NUP155: variants seen among roughly 807,000 people sequenced by gnomAD.
NUP155 encodes the protein nuclear pore complex protein Nup155.
Under a neutral mutation model 180.4 loss-of-function variants are expected in NUP155, and 71 were observed. The observed-to-expected ratio is 0.39, with a 90% CI of 0.33 to 0.48. The LOEUF is 0.48. Among genes scored for constraint, NUP155 ranks in the 20% least tolerant of loss-of-function variants. The pLI, the probability that NUP155 is intolerant of heterozygous loss-of-function variation, is 0.91. For missense variants in NUP155, 1,553 were observed against 1,648.9 expected (o/e 0.94, Z 1.01); for synonymous variants, 582 against 559.5 (o/e 1.04, Z -0.57).
At chr5:37,339,910 G>A (rs1189224382) in intron 11 of NUP155, among the ~76,000 whole-genome samples, 1 of 152,010 alleles carries the variant, frequency 6.6e-6, no homozygotes, top group Admixed American at 6.6e-5. Context: ...CTACAGACAT[G>A]CCCCCTACAC....
intron 4 of NUP155, among the ~76,000 whole-genome samples, chr5:37,355,587 T>C (rs1746771151): frequency 6.7e-6 from 1 of 149,610 alleles, no homozygotes; most frequent in Admixed American, 6.7e-5. Flanking sequence ...GTTTGTTTGT[T>C]TGTTTTTCAG....
At chr5:37,314,482 C>T (rs542758137) in intron 21 of NUP155, among the ~76,000 whole-genome samples, 154 bp from the exon 22 acceptor site, 1 of 152,202 alleles carries the variant, frequency 6.6e-6, no homozygotes, top group South Asian at 2.1e-4. Flanking sequence ...ATGTTATTAT[C>T]TTCTCCGTGT....
In NUP155 at chr5:37,302,843, G is replaced by C; in HGVS notation, c.3383C>G (p.Ser1128Cys). The C allele has an allele frequency of 6.2e-7, 1 of 1,613,804 alleles. No individual in the cohort carries two copies. The change falls in exon 29 of 35, where the codon TCC becomes TGC. Residue 1128 changes from serine (S) to cysteine (C), a missense_variant. By Grantham distance (112) the Ser-to-Cys change is moderately radical. Coordinates refer to ENST00000231498, the MANE Select transcript of NUP155 (RefSeq NM_153485.3). Reference protein sequence around the residue: ...IARAILSAKSSTAISSIAADG... With the variant: ...IARAILSAKSCTAISSIAADG... ...GGCAGCTATTGATGAAATGGCAGTGGAACTTTTGGCACTAAGAATGGCTCG... is the reference window on the plus strand; with the variant it reads ...GGCAGCTATTGATGAAATGGCAGTGCAACTTTTGGCACTAAGAATGGCTCG...
intron 9 of NUP155, among the ~76,000 whole-genome samples, chr5:37,347,696 CA>C (rs546371065): frequency 0.076 from 4,152 of 54,880 alleles, 71 homozygotes; most frequent in Middle Eastern, 0.23. Flanking sequence ...AACTCCATCT[CA>C]AAAAAAAAAA....
Position 37,293,956 on chromosome 5 carries a change from G to A in NUP155, c.3930+373C>T, listed in dbSNP as rs1379276638. Among the ~76,000 whole-genome samples the A allele has an allele frequency of 6.1e-4, 70 of 114,424 alleles. 9 individuals carry two copies. The highest frequency in any genetic ancestry group is 1.0e-3 in the Non-Finnish European group (63 of 62,600). 75.1% of individuals were successfully genotyped at this position (114,424 alleles called of 152,430 possible). Reference sequence around the variant, plus strand: ...GGAGCTTGCAGTGAGCCGAGATTGCGCCACTGCAGTCCGCAGTCCGGCCTG... The same window carrying A: ...GGAGCTTGCAGTGAGCCGAGATTGCACCACTGCAGTCCGCAGTCCGGCCTG... On this transcript the variant is annotated intron_variant, in intron 33 of 34. Transcript: ENST00000231498.
chr5:37,353,642 G>A (rs139122630), intron 4 of NUP155, among the ~76,000 whole-genome samples: 345 of 152,186 alleles, frequency 2.3e-3, no homozygotes, highest in African/African-American at 8.1e-3. Context: ...CTGTAACACA[G>A]ATGAACCTTG....
At chr5:37,293,663 T>C (rs936564235) in intron 33 of NUP155, among the ~76,000 whole-genome samples, 2 of 152,214 alleles carry the variant, frequency 1.3e-5, no homozygotes, top group African/African-American at 4.8e-5. Context: ...TTAGATGAGG[T>C]TATAGTAAAT....
At position 37,338,626 on chromosome 5, in the gene NUP155, C is replaced by T. The variant is rs549959759; in HGVS notation, c.1247-708G>A. Reference sequence around the variant, plus strand: ...TTCACCGTGTTAGCCAGGATGGTCTCGATCTCCTGACCTCGTGATCCGCCC... The same window carrying T: ...TTCACCGTGTTAGCCAGGATGGTCTTGATCTCCTGACCTCGTGATCCGCCC... On this transcript the variant is annotated intron_variant, in intron 11 of 34. Coordinates refer to ENST00000231498, the MANE Select transcript of NUP155 (RefSeq NM_153485.3). 2.0e-3 allele frequency among the ~76,000 whole-genome samples: 297 copies of T among 152,094 alleles called. 1 individual carries two copies. The highest frequency in any genetic ancestry group is 6.5e-3 in the African/African-American group (268 of 41,520).
chr5:37,334,263 C>T lies in NUP155; in HGVS notation c.1348-630G>A, dbSNP rs191525962. 5.9e-5 allele frequency among the ~76,000 whole-genome samples: 9 copies of T among 152,136 alleles called. No homozygotes were observed. In the East Asian group the frequency reaches 1.5e-3, roughly 26 times the overall value. ...GACTACAGGAGAATGCTACCACGGC[C>T]GCCTAATTTTTCTATGTTTTGTATG... On this transcript the variant is annotated intron_variant, in intron 12 of 34. Coordinates refer to ENST00000231498, the MANE Select transcript of NUP155 (RefSeq NM_153485.3).
intron 32 of NUP155, among the ~76,000 whole-genome samples, chr5:37,294,888 G>C (rs1267440143): frequency 1.3e-5 from 2 of 152,052 alleles, no homozygotes; most frequent in Non-Finnish European, 2.9e-5. Context: ...GTTTCTTTTT[G>C]GGATGATGAA....
chr5:37,308,875 C>CAAAAAAAAA (rs59572976), intron 24 of NUP155, among the ~76,000 whole-genome samples: 1 of 68,856 alleles, frequency 1.5e-5, no homozygotes, highest in African/African-American at 6.5e-5. Flanking sequence ...GCGAGACTCT[C>CAAAAAAAAA]AAAAAAAAAA....
chr5:37,332,906 A>C (rs1745071993), intron 13 of NUP155, among the ~76,000 whole-genome samples: 1 of 151,332 alleles, frequency 6.6e-6, no homozygotes, highest in African/African-American at 2.4e-5. Flanking sequence ...GCCGTAAGCC[A>C]AGACTGTGCA....
intron 1 of NUP155, among the ~76,000 whole-genome samples, chr5:37,366,662 C>CT (rs34947301): frequency 5.9e-5 from 7 of 119,296 alleles, no homozygotes; most frequent in African/African-American, 1.5e-4. Context: ...TAGTCTCAAT[C>CT]TTTTTTTTTT....
chr5:37,355,723 C>T (rs570979882), intron 4 of NUP155, among the ~76,000 whole-genome samples: 11 of 151,674 alleles, frequency 7.3e-5, no homozygotes, highest in East Asian at 4.0e-4. Flanking sequence ...GGACTACAGG[C>T]GACCACCACC....
intron 32 of NUP155, among the ~76,000 whole-genome samples, chr5:37,297,953 T>C (rs1229073050): frequency 6.9e-6 from 1 of 144,724 alleles, no homozygotes; most frequent in Non-Finnish European, 1.5e-5. Context: ...AAAAAAAAAA[T>C]TAGGCTGGGC....
intron 9 of NUP155, among the ~76,000 whole-genome samples, chr5:37,345,335 C>T (rs899909801): frequency 1.3e-5 from 2 of 151,340 alleles, no homozygotes; most frequent in Non-Finnish European, 2.9e-5. Flanking sequence ...GGTGAAACCC[C>T]GTCTGTACCA....
chr5:37,321,372 C>A (rs1469326418), intron 20 of NUP155, among the ~76,000 whole-genome samples: 1 of 151,320 alleles, frequency 6.6e-6, no homozygotes, highest in Non-Finnish European at 1.5e-5. Context: ...AAACAATAAA[C>A]CACATTTAAC....
chr5:37,362,412 C>T (rs1179811719), intron 3 of NUP155, among the ~76,000 whole-genome samples: 2 of 151,876 alleles, frequency 1.3e-5, no homozygotes, highest in Non-Finnish European at 2.9e-5. Flanking sequence ...CCTCAGCCTC[C>T]CGAGTAGCTG....
At chr5:37,303,004 C>T (rs1445787993) in intron 28 of NUP155, 96 bp from the exon 29 acceptor site, 1 of 1,303,890 alleles carries the variant, frequency 7.7e-7, no homozygotes, top group Non-Finnish European at 1.1e-6. Flanking sequence ...ACCAAACACA[C>T]ATAAAAAGCC....
Sources: gnomAD v4.1 joint callset for allele counts (sites outside exome capture counted in the v4.1 genomes callset) on GRCh38, gnomAD v4.1.1 for gene constraint, MANE v1.5 for transcripts, NCBI Gene and HGNC (gene_info 2026-07-23, HGNC 2026-07-21) for gene names.